The following XYLB variants were observed in gnomAD, a reference collection of about 807,000 sequenced individuals.
XYLB encodes the protein xylulose kinase.
In XYLB, 62 loss-of-function variants were observed where a neutral mutation model predicts 78.7. The ratio of observed to expected loss-of-function variants is 0.79; its 90% confidence interval spans 0.64 to 0.97. The LOEUF (loss-of-function observed/expected upper bound fraction) is 0.97, where lower values mean the gene tolerates loss of function less well. Ranked by LOEUF, XYLB falls within the 50% of genes least tolerant of loss-of-function variation. The probability of loss-of-function intolerance (pLI) is 0.00; values close to 1 mark genes in which losing one functional copy is unlikely to be tolerated. For missense variants in XYLB, 687 were observed against 676.8 expected (o/e 1.02, Z -0.17); for synonymous variants, 245 against 247.4 (o/e 0.99, Z 0.09).
rs151106647 is a variant in XYLB at position 38,404,028 on chromosome 3, C to G, written c.1533+3043C>G. Among the ~76,000 whole-genome samples, 1,065 of 152,282 alleles carry G rather than the reference C, an allele frequency of 7.0e-3. 8 individuals carry two copies. Among genetic ancestry groups the G allele is most frequent in the African/African-American group, 0.025 (1,024 of 41,560 alleles). ...AGAGCAGGGCCACATCCTTCATTCT[C>G]TCTGTGGCACCTACAGCACTGCTTG... On this transcript the variant is annotated intron_variant, in intron 18 of 18. Coordinates refer to ENST00000207870, the MANE Select transcript of XYLB (RefSeq NM_005108.4).
the XYLB span, among the ~76,000 whole-genome samples, chr3:38,449,155 G>A: frequency 2.0e-5 from 3 of 151,294 alleles, no homozygotes; most frequent in Non-Finnish European, 2.9e-5. Flanking sequence ...TTCAAGTCTT[G>A]CTCTGTTGCC....
intron 12 of XYLB, 56 bp from the exon 13 acceptor site, chr3:38,376,061 T>G: frequency 8.3e-7 from 1 of 1,206,208 alleles, no homozygotes; most frequent in South Asian, 1.2e-5. Context: ...CTGAAACTCA[T>G]GGGTCCAGTC....
chr3:38,399,745 A>G (rs1708044988), intron 17 of XYLB, among the ~76,000 whole-genome samples: 1 of 152,130 alleles, frequency 6.6e-6, no homozygotes, highest in Admixed American at 6.5e-5. Flanking sequence ...GTGCTTGCCA[A>G]AGGGTACCTG....
chr3:38,398,251 C>T (rs1575525839), intron 17 of XYLB, among the ~76,000 whole-genome samples: 5 of 151,216 alleles, frequency 3.3e-5, no homozygotes, highest in Admixed American at 3.3e-4. Flanking sequence ...GGGTGGATCA[C>T]AAGGTCAGGA....
chr3:38,381,650 C>T (rs1575500159), intron 15 of XYLB, among the ~76,000 whole-genome samples: 1 of 152,284 alleles, frequency 6.6e-6, no homozygotes, highest in Admixed American at 6.5e-5. Context: ...CCCCCCTGGG[C>T]GTAGCCTGTC....
downstream of XYLB, among the ~76,000 whole-genome samples, chr3:38,419,829 A>G (rs1157008411): frequency 1.4e-5 from 2 of 147,594 alleles, no homozygotes; most frequent in African/African-American, 5.0e-5. Flanking sequence ...TATAAAAATC[A>G]TTTTTTTTTT....
chr3:38,419,578 TTATATA>T (rs67869604), downstream of XYLB, among the ~76,000 whole-genome samples: 1 of 68,280 alleles, frequency 1.5e-5, no homozygotes, highest in African/African-American at 4.4e-5. Context: ...TTATTTTTCT[TTATATA>T]TATATATATA....
Position 38,397,061 on chromosome 3 carries a change from G to A in XYLB, c.1351-11G>A. Reference sequence around the variant, plus strand: ...TGGCTCACCACAGTAGAACCTCTGTGTCCTTTTCAGGTGCTTGCAGATGTG... The same window carrying A: ...TGGCTCACCACAGTAGAACCTCTGTATCCTTTTCAGGTGCTTGCAGATGTG... On this transcript the variant is annotated splice_polypyrimidine_tract_variant and intron_variant, in intron 16 of 18. Transcript: ENST00000207870. The A allele has an allele frequency of 6.2e-7, 1 of 1,614,092 alleles. No individual in the cohort carries two copies. Among genetic ancestry groups the A allele is most frequent in the Non-Finnish European group, 8.5e-7 (1 of 1,179,968 alleles).
chr3:38,395,204 G>A (rs1707817735), intron 15 of XYLB, among the ~76,000 whole-genome samples: 2 of 152,210 alleles, frequency 1.3e-5, no homozygotes, highest in African/African-American at 4.8e-5. Flanking sequence ...TTTGTTATAA[G>A]TTGTGGATAT....
intron 12 of XYLB, among the ~76,000 whole-genome samples, chr3:38,375,549 A>G (rs1295385564): frequency 6.6e-6 from 1 of 152,148 alleles, no homozygotes; most frequent in Non-Finnish European, 1.5e-5. Flanking sequence ...GGCATGTCTG[A>G]GCCACACTTT....
chr3:38,387,677 A>G (rs1156548884), intron 15 of XYLB, among the ~76,000 whole-genome samples: 3 of 152,178 alleles, frequency 2.0e-5, no homozygotes, highest in Non-Finnish European at 2.9e-5. Context: ...CGGACTTCAG[A>G]TGGACAATTT....
chr3:38,371,357 T>C (rs1308762469), intron 9 of XYLB, among the ~76,000 whole-genome samples: 2 of 151,726 alleles, frequency 1.3e-5, no homozygotes, highest in Non-Finnish European at 2.9e-5. Flanking sequence ...CACTGCAAGC[T>C]CCGCCTCCTG....
chr3:38,395,608 T>C (rs1160985838), intron 16 of XYLB, 45 bp downstream of exon 16: 1 of 1,591,486 alleles, frequency 6.3e-7, no homozygotes, highest in South Asian at 1.1e-5. Flanking sequence ...CTCCCATATC[T>C]GTTATGTCTA....
chr3:38,375,252 C>T lies in XYLB; in HGVS notation c.997C>T (p.Leu333Phe). The T allele has an allele frequency of 6.2e-7, 1 of 1,614,056 alleles. No individual in the cohort carries two copies. Among genetic ancestry groups the T allele is most frequent in the Non-Finnish European group, 8.5e-7 (1 of 1,179,922 alleles). ...NPVDSQHYMA[L>F]LCFKNGSLMR... is the part of the protein sequence containing the mutation. Reference sequence around the variant, plus strand: ...GGTTGACTCCCAGCACTACATGGCACTCCTGTGGTGAGCTTGGGTGTTGGT... The same window carrying T: ...GGTTGACTCCCAGCACTACATGGCATTCCTGTGGTGAGCTTGGGTGTTGGT... The change falls in exon 12 of 19, where the codon CTC becomes TTC. Residue 333 changes from leucine (L) to phenylalanine (F), a missense_variant. Transcript: ENST00000207870.
intron 8 of XYLB, among the ~76,000 whole-genome samples, chr3:38,369,580 C>T (rs1331103668): frequency 6.6e-6 from 1 of 152,170 alleles, no homozygotes; most frequent in Non-Finnish European, 1.5e-5. Flanking sequence ...TTCCCATCCT[C>T]AGGAAAGCCT....
chr3:38,377,760 A>G (rs1043763444), intron 14 of XYLB, among the ~76,000 whole-genome samples: 3 of 152,112 alleles, frequency 2.0e-5, no homozygotes, highest in African/African-American at 7.2e-5. Context: ...TTTCAAAGCA[A>G]TAGGCACTAT....
intron 15 of XYLB, among the ~76,000 whole-genome samples, chr3:38,392,443 G>A (rs763274821): frequency 6.6e-6 from 1 of 152,006 alleles, no homozygotes. Context: ...GATTACAGGC[G>A]CACACCACCA....
intron 2 of XYLB, 136 bp downstream of exon 2, chr3:38,348,768 A>G: frequency 8.3e-6 from 6 of 720,822 alleles, no homozygotes; most frequent in Admixed American, 2.5e-5. Flanking sequence ...CCTTTCAAGC[A>G]TCTTTTTTTC....
intron 1 of XYLB, among the ~76,000 whole-genome samples, chr3:38,347,209 C>T (rs1270053213): frequency 6.6e-6 from 1 of 152,186 alleles, no homozygotes; most frequent in Non-Finnish European, 1.5e-5. Context: ...GCAGGACCCC[C>T]GGTGCCCAGA....
Sources: gnomAD v4.1 joint callset for allele counts (sites outside exome capture counted in the v4.1 genomes callset) on GRCh38, gnomAD v4.1.1 for gene constraint, MANE v1.5 for transcripts, NCBI Gene and HGNC (gene_info 2026-07-23, HGNC 2026-07-21) for gene names.